SYN3: variants seen among roughly 807,000 people sequenced by gnomAD.
SYN3 encodes the protein synapsin III.
A neutral mutation model predicts 65.8 loss-of-function variants in SYN3; 35 were observed. The observed-to-expected ratio is 0.53, with a 90% confidence interval of 0.41 to 0.70. SYN3 has a LOEUF of 0.70. Ranked by LOEUF, SYN3 falls within the 30% of genes least tolerant of loss-of-function variation. The probability of loss-of-function intolerance (pLI) is 0.00; values close to 1 mark genes in which losing one functional copy is unlikely to be tolerated. For synonymous variants in SYN3, 270 were observed against 292.9 expected, an observed-to-expected ratio of 0.92 and a Z score of 0.80; for missense variants, 680 against 749.0, an observed-to-expected ratio of 0.91 and a Z score of 1.08.
chr22:32,862,177 C>T lies in SYN3; in HGVS notation c.711+2738G>A, dbSNP rs569575596. 1.2e-4 allele frequency: 19 copies of T among 152,430 alleles called. 1 individual carries two copies. In the South Asian group the frequency reaches 3.9e-3, roughly 32 times the overall value. 9.4% of individuals were successfully genotyped at this position (152,430 alleles called of 1,614,324 possible). On this transcript the variant is annotated intron_variant, in intron 6 of 13. Transcript: ENST00000358763. ...GTCTACCATTTACTTCACCCCAAGT[C>T]CTGCTGCCCATCCAGTTGGGAAGCC...
chr22:33,054,571 C>T (rs2054225016), intron 1 of SYN3, among the ~76,000 whole-genome samples: 2 of 152,338 alleles, frequency 1.3e-5, no homozygotes, highest in Middle Eastern at 6.8e-3. Flanking sequence ...CCCAGTCCCA[C>T]TTCCCCCTCA....
At chr22:32,619,234 C>T (rs989120887) in intron 6 of SYN3, among the ~76,000 whole-genome samples, 3 of 152,130 alleles carry the variant, frequency 2.0e-5, no homozygotes, top group South Asian at 2.1e-4. Flanking sequence ...ACCATATGAT[C>T]GTGGCTAAGT....
chr22:32,791,192 T>G (rs921499388), intron 6 of SYN3, among the ~76,000 whole-genome samples: 1 of 152,180 alleles, frequency 6.6e-6, no homozygotes, highest in Non-Finnish European at 1.5e-5. Context: ...TTACATAGAA[T>G]AGGACCTGGC....
intron 2 of SYN3, among the ~76,000 whole-genome samples, chr22:32,989,235 G>T (rs1416508686): frequency 1.3e-5 from 2 of 152,114 alleles, no homozygotes; most frequent in Non-Finnish European, 2.9e-5. Context: ...TTCCTTAACT[G>T]TAAAAATAAG....
At chr22:32,692,155 C>CAAAAAAAAAAAAAAAAAAAAAAAAAAA (rs1188224009) in intron 6 of SYN3, among the ~76,000 whole-genome samples, 1 of 34,488 alleles carries the variant, frequency 2.9e-5, no homozygotes. Context: ...GACAAAAAGA[C>CAAAAAAAAAAAAAAAAAAAAAAAAAAA]AAAAAAAAAA....
chr22:33,014,611 T>C (rs1278831393), intron 1 of SYN3: 1 of 152,270 alleles, frequency 6.6e-6, no homozygotes, highest in Non-Finnish European at 1.5e-5. Flanking sequence ...AGAAACCCCG[T>C]CTCTACTAAA....
intron 1 of SYN3, among the ~76,000 whole-genome samples, chr22:33,017,192 C>CT: frequency 6.6e-6 from 1 of 152,292 alleles, no homozygotes; most frequent in South Asian, 2.1e-4. Context: ...TTCTTGTCAC[C>CT]TTTGTCAAAT....
chr22:32,950,733 C>G (rs892410575), intron 3 of SYN3, among the ~76,000 whole-genome samples: 1 of 152,110 alleles, frequency 6.6e-6, no homozygotes, highest in Non-Finnish European at 1.5e-5. Flanking sequence ...AGTTCTAAAG[C>G]CTAAACTGAG....
chr22:33,043,238 C>A (rs921590487), intron 1 of SYN3, among the ~76,000 whole-genome samples: 1 of 152,124 alleles, frequency 6.6e-6, no homozygotes, highest in South Asian at 2.1e-4. Context: ...AAGGTTAGTG[C>A]GGCATACTGT....
At chr22:32,823,315 A>T (rs1339172641) in intron 6 of SYN3, among the ~76,000 whole-genome samples, 1 of 152,184 alleles carries the variant, frequency 6.6e-6, no homozygotes, top group African/African-American at 2.4e-5. Context: ...AGGTCCCTGC[A>T]GGAGATGGGA....
rs191169275 is a variant in SYN3, at chr22:32,845,947, G to A, written c.711+18968C>T. ...ACATTTGAATTACAGAGGAGAAACT[G>A]GAGCAAATACGGACAGATTAATGCA... On this transcript the variant is annotated intron_variant, in intron 6 of 13. Coordinates refer to ENST00000358763, the MANE Select transcript of SYN3 (RefSeq NM_003490.4). Among the ~76,000 whole-genome samples the A allele has an allele frequency of 5.3e-5, 8 of 152,334 alleles. No homozygotes were observed. The East Asian group carries it at 1.2e-3, about 22-fold the overall frequency.
chr22:32,667,970 A>G (rs1212315544), intron 6 of SYN3, among the ~76,000 whole-genome samples: 2 of 149,272 alleles, frequency 1.3e-5, no homozygotes, highest in Non-Finnish European at 3.0e-5. Flanking sequence ...ATTTTTTTGT[A>G]TTTTTAGTAG....
chr22:32,530,793 A>T (rs1049129640), intron 10 of SYN3, among the ~76,000 whole-genome samples: 2 of 151,994 alleles, frequency 1.3e-5, no homozygotes, highest in Non-Finnish European at 2.9e-5. Context: ...TCACGAGGTC[A>T]GGAGATTGAG....
intron 1 of SYN3, among the ~76,000 whole-genome samples, chr22:33,039,631 T>C (rs2053927005): frequency 1.3e-5 from 2 of 152,040 alleles, no homozygotes; most frequent in Non-Finnish European, 2.9e-5. Flanking sequence ...CCTGACCTCA[T>C]GTGACCTCAT....
intron 3 of SYN3, among the ~76,000 whole-genome samples, chr22:32,951,910 G>A (rs1365147275): frequency 2.0e-5 from 3 of 152,106 alleles, no homozygotes; most frequent in Non-Finnish European, 2.9e-5. Flanking sequence ...TCCTCCATTC[G>A]GCCTCTTCTG....
intron 6 of SYN3, among the ~76,000 whole-genome samples, chr22:32,680,629 T>C (rs1376720354): frequency 6.6e-6 from 1 of 152,186 alleles, no homozygotes; most frequent in Non-Finnish European, 1.5e-5. Context: ...CAGAAGGCAA[T>C]CCTGTGTACT....
At chr22:32,595,853 G>T (rs911952362) in intron 7 of SYN3, among the ~76,000 whole-genome samples, 2 of 152,220 alleles carry the variant, frequency 1.3e-5, no homozygotes, top group Non-Finnish European at 2.9e-5. Context: ...ATGACGGGTG[G>T]ATCACTTGAG....
chr22:32,540,595 A>G (rs759604918), intron 8 of SYN3, among the ~76,000 whole-genome samples: 2 of 152,236 alleles, frequency 1.3e-5, no homozygotes, highest in Non-Finnish European at 2.9e-5. Flanking sequence ...TGCCTATTCC[A>G]GAAGTCCCCA....
chr22:32,827,246 CCT>C (rs940331407), intron 6 of SYN3, among the ~76,000 whole-genome samples: 5 of 152,172 alleles, frequency 3.3e-5, no homozygotes, highest in South Asian at 4.1e-4. Flanking sequence ...TTAGCTTACC[CCT>C]GTCTGGCACC....
Sources: gnomAD v4.1 joint callset for allele counts (sites outside exome capture counted in the v4.1 genomes callset) on GRCh38, gnomAD v4.1.1 for gene constraint, MANE v1.5 for transcripts, NCBI Gene and HGNC (gene_info 2026-07-23, HGNC 2026-07-21) for gene names.